OSBP2: variants seen among roughly 807,000 people sequenced by gnomAD.
OSBP2 encodes oxysterol-binding protein 2.
OSBP2 carries 66 observed loss-of-function variants against 96.0 expected under a neutral mutation model. That is an observed-to-expected ratio of 0.69 (90% CI 0.56 to 0.84). The LOEUF is 0.84. Among genes scored for constraint, OSBP2 ranks in the 40% least tolerant of loss-of-function variants. The pLI is 0.00. For synonymous variants in OSBP2, 525 were observed against 520.9 expected (o/e 1.01, Z -0.11); for missense variants, 1,038 against 1,222.7 (o/e 0.85, Z 2.25).
chr22:30,697,454 T>A lies in OSBP2; in HGVS notation c.644+1901T>A, dbSNP rs181866191. 9.1e-4 allele frequency among the ~76,000 whole-genome samples: 139 copies of A among 152,252 alleles called. 1 individual carries two copies. The highest frequency in any genetic ancestry group is 3.1e-3 in the African/African-American group (130 of 41,550). On this transcript the variant is annotated intron_variant, in intron 1 of 13. Transcript: ENST00000332585. The stretch of plus-strand genomic sequence containing the variant: ...CCACCACACACGGTTAATTTTTGTA[T>A]TTTTAGTAGAGGCGGGGTTTCACCA...
chr22:30,694,874 A>T lies in OSBP2; in HGVS notation c.-36A>T. The T allele has an allele frequency of 9.4e-7, 1 of 1,059,896 alleles. No individual in the cohort carries two copies. Among genetic ancestry groups the T allele is most frequent in the Non-Finnish European group, 1.2e-6 (1 of 826,842 alleles). The allele number at this position is 1,059,896 out of a possible 1,614,324, so 65.7% of individuals were successfully genotyped here. The stretch of plus-strand genomic sequence containing the variant: ...CGCCCCCGGCCTGCCCCCCGCCCCC[A>T]CTGGCCGCTCGGCCGCGCGCGGGTC... On this transcript the variant is annotated 5_prime_UTR_variant, in exon 1 of 14. Coordinates refer to ENST00000332585, the MANE Select transcript of OSBP2 (RefSeq NM_030758.4).
Position 30,881,678 on chromosome 22 carries a change from C to G in OSBP2, c.1108-5748C>G, listed in dbSNP as rs2039707224. 2 of 1,304,154 alleles carry G rather than the reference C, an allele frequency of 1.5e-6. No homozygotes were observed. Among genetic ancestry groups the G allele is most frequent in the Non-Finnish European group, 2.0e-6 (2 of 988,928 alleles). 80.8% of individuals were successfully genotyped at this position (1,304,154 alleles called of 1,614,324 possible). A position where few individuals can be genotyped will look rare whatever the true frequency, so the allele number is the denominator to read the frequency against. ...ATCAAGCACACAGCACACAGCCCAG[C>G]TCAGCATTCTGAGAACAGCAGGGCC... On this transcript the variant is annotated intron_variant, in intron 3 of 13. Transcript: ENST00000332585. This position sits in a 1 kb window ranked among gnomAD's most constrained non-coding sequence, Gnocchi z 4.5.
In OSBP2 at chr22:30,890,044, G is replaced by A. The variant is rs2039909694; in HGVS notation, c.1623+408G>A. 6.6e-6 allele frequency among the ~76,000 whole-genome samples: 1 copy of A among 152,174 alleles called. No homozygotes were observed. On this transcript the variant is annotated intron_variant, in intron 7 of 13. Transcript: ENST00000332585. The surrounding 1 kb of genome is among the most constrained non-coding windows in gnomAD (Gnocchi z 4.4). ...CATCCCCAGGAAATGCAGGCTCAGAGCTTGGATCCTCATGCCACCTGGCTA... is the reference window on the plus strand; with the variant it reads ...CATCCCCAGGAAATGCAGGCTCAGAACTTGGATCCTCATGCCACCTGGCTA...
intron 12 of OSBP2, among the ~76,000 whole-genome samples, chr22:30,898,654 T>C (rs146785685): frequency 0.012 from 1,847 of 151,838 alleles, 42 homozygotes; most frequent in African/African-American, 0.042. Flanking sequence ...ATCACAAGAA[T>C]AGCATGGGGG....
At chr22:30,795,818 C>T (rs1281494096) in intron 2 of OSBP2, among the ~76,000 whole-genome samples, 1 of 152,224 alleles carries the variant, frequency 6.6e-6, no homozygotes, top group Non-Finnish European at 1.5e-5. Flanking sequence ...CCTGCCCAGC[C>T]TCCAGTGCAT....
chr22:30,825,454 T>A (rs1008438390), intron 2 of OSBP2, among the ~76,000 whole-genome samples: 2 of 152,170 alleles, frequency 1.3e-5, no homozygotes, highest in Non-Finnish European at 2.9e-5. Flanking sequence ...ATACTATGCA[T>A]CTGTGCCTAC....
intron 2 of OSBP2, among the ~76,000 whole-genome samples, chr22:30,860,146 G>A (rs1200139526): frequency 6.6e-6 from 1 of 152,110 alleles, no homozygotes; most frequent in Non-Finnish European, 1.5e-5. Flanking sequence ...AAATTCAGCT[G>A]ATTAGTTAAA....
At position 30,890,981 on chromosome 22, in the gene OSBP2, G is replaced by A. The variant is rs777946771; in HGVS notation, c.1869+8G>A. On this transcript the variant is annotated splice_region_variant and intron_variant, in intron 8 of 13. Coordinates refer to ENST00000332585, the MANE Select transcript of OSBP2 (RefSeq NM_030758.4). The surrounding 1 kb of genome is among the most constrained non-coding windows in gnomAD (Gnocchi z 4.4). ...CGCTCCCTCTGTGAGCAGGTGAGGG[G>A]GCTAGGCTGGCACTGGGTGGCGCCC... 1.3e-5 allele frequency: 21 copies of A among 1,602,060 alleles called. No homozygotes were observed. The highest frequency in any genetic ancestry group is 1.6e-5 in the Non-Finnish European group (19 of 1,178,584).
intron 2 of OSBP2, among the ~76,000 whole-genome samples, chr22:30,833,630 A>G (rs1295695737): frequency 6.6e-6 from 1 of 152,228 alleles, no homozygotes; most frequent in Non-Finnish European, 1.5e-5. Context: ...TAGTCTCACC[A>G]TATACCAGAA....
intron 1 of OSBP2, among the ~76,000 whole-genome samples, chr22:30,706,793 C>G (rs2089260803): frequency 6.6e-6 from 1 of 152,204 alleles, no homozygotes. Context: ...CTGCCATCCC[C>G]TCAGCCAGAA....
rs386466794 is a variant in OSBP2, at chr22:30,867,738, G to A, written c.854-2691G>A. Among the ~76,000 whole-genome samples the A allele has an allele frequency of 5.3e-3, 813 of 152,354 alleles. 4 individuals are homozygous for A. The highest frequency in any genetic ancestry group is 0.017 in the Middle Eastern group (5 of 292). ...GTACTCTTGAATAACAAGTTATACAGAAATGTGGCTACCTGCTTCCACCTG... is the reference window on the plus strand; with the variant it reads ...GTACTCTTGAATAACAAGTTATACAAAAATGTGGCTACCTGCTTCCACCTG... On this transcript the variant is annotated intron_variant, in intron 2 of 13. Coordinates refer to ENST00000332585, the MANE Select transcript of OSBP2 (RefSeq NM_030758.4).
intron 2 of OSBP2, among the ~76,000 whole-genome samples, chr22:30,748,306 G>A (rs1185962700): frequency 1.3e-5 from 2 of 151,848 alleles, no homozygotes; most frequent in Admixed American, 1.3e-4. Flanking sequence ...CCTGACCTCA[G>A]GTGATCCGCC....
At chr22:30,841,516 A>C (rs2038752979) in intron 2 of OSBP2, among the ~76,000 whole-genome samples, 1 of 152,224 alleles carries the variant, frequency 6.6e-6, no homozygotes, top group Non-Finnish European at 1.5e-5. Flanking sequence ...TGTACTGTTG[A>C]GTAAGATTCC....
At chr22:30,889,061 C>A in intron 5 of OSBP2, 116 bp from the exon 6 acceptor site, 1 of 832,924 alleles carries the variant, frequency 1.2e-6, no homozygotes, top group Non-Finnish European at 1.9e-6. Context: ...GAACACACGG[C>A]AGTGACCAGG....
chr22:30,855,285 C>A (rs974584211), intron 2 of OSBP2, among the ~76,000 whole-genome samples: 2 of 152,140 alleles, frequency 1.3e-5, no homozygotes, highest in Non-Finnish European at 2.9e-5. Flanking sequence ...GTTCCTTTGT[C>A]TTTTGGCTTA....
intron 2 of OSBP2, chr22:30,822,769 G>A (rs1234383964): frequency 3.6e-6 from 5 of 1,405,912 alleles, no homozygotes; most frequent in African/African-American, 1.4e-5. Context: ...ATGCACGCCC[G>A]GTGCCTGGCT....
At chr22:30,708,396 C>A (rs2089290051) in intron 1 of OSBP2, among the ~76,000 whole-genome samples, 1 of 151,270 alleles carries the variant, frequency 6.6e-6, no homozygotes, top group East Asian at 1.9e-4. Context: ...TCATCTCAGT[C>A]CTTCTCAAAT....
chr22:30,742,088 G>T (rs2089945882), intron 2 of OSBP2, among the ~76,000 whole-genome samples: 1 of 151,610 alleles, frequency 6.6e-6, no homozygotes, highest in Admixed American at 6.6e-5. Flanking sequence ...CCAAAGTACT[G>T]GGATTACAGG....
intron 4 of OSBP2, 70 bp downstream of exon 4, chr22:30,887,688 C>T (rs537166360): frequency 4.7e-5 from 62 of 1,316,626 alleles, no homozygotes; most frequent in Middle Eastern, 2.6e-4. Flanking sequence ...ACAACTTCTG[C>T]GCCCCCACAT....
Sources: allele counts gnomAD v4.1 joint callset (sites outside exome capture counted in the v4.1 genomes callset), GRCh38; gene constraint gnomAD v4.1.1; non-coding constraint Gnocchi (gnomAD v3.1); transcripts MANE v1.5; gene names NCBI Gene and HGNC (gene_info 2026-07-23, HGNC 2026-07-21).